DHX29: variants seen among roughly 807,000 people sequenced by gnomAD.
DHX29 encodes the protein DExH-box helicase 29.
Under a neutral mutation model 167.9 loss-of-function variants are expected in DHX29, and 79 were observed. The observed-to-expected ratio is 0.47, with a 90% CI of 0.39 to 0.57. DHX29 has a LOEUF of 0.57. Among genes scored for constraint, DHX29 ranks in the 20% least tolerant of loss-of-function variants. DHX29 has a pLI of 0.00. For synonymous variants in DHX29, 530 were observed against 546.0 expected, an observed-to-expected ratio of 0.97 and a Z score of 0.41; for missense variants, 1,347 against 1,593.4, an observed-to-expected ratio of 0.85 and a Z score of 2.63.
intron 20 of DHX29, among the ~76,000 whole-genome samples, chr5:55,269,950 A>G (rs1354892560): frequency 6.6e-6 from 1 of 152,146 alleles, no homozygotes; most frequent in Admixed American, 6.5e-5. Context: ...TAGATCTTTC[A>G]GTCTAAGAAG....
At chr5:55,263,377 G>T (rs774097460) in intron 23 of DHX29, among the ~76,000 whole-genome samples, 1 of 152,066 alleles carries the variant, frequency 6.6e-6, no homozygotes, top group Non-Finnish European at 1.5e-5. Flanking sequence ...AACTTTGAAA[G>T]AATTTATTAA....
intron 8 of DHX29, among the ~76,000 whole-genome samples, chr5:55,286,456 T>C (rs1032268960): frequency 1.3e-5 from 2 of 152,144 alleles, no homozygotes; most frequent in African/African-American, 4.8e-5. Context: ...AATTGCAACA[T>C]TTGGAAGGCT....
At chr5:55,260,506 C>T (rs538382487) in intron 25 of DHX29, among the ~76,000 whole-genome samples, 1 of 25,012 alleles carries the variant, frequency 4.0e-5, no homozygotes, top group South Asian at 1.5e-3. Flanking sequence ...GCTGGGATTA[C>T]AGGCATGAGC....
intron 1 of DHX29, among the ~76,000 whole-genome samples, chr5:55,300,536 G>A (rs1748546210): frequency 6.6e-6 from 1 of 151,822 alleles, no homozygotes; most frequent in African/African-American, 2.4e-5. Context: ...AGCTGGGCCT[G>A]GTGATGCATG....
intron 10 of DHX29, among the ~76,000 whole-genome samples, chr5:55,284,120 C>A (rs1747590092): frequency 6.6e-6 from 1 of 152,186 alleles, no homozygotes; most frequent in African/African-American, 2.4e-5. Flanking sequence ...GGGCAATTCA[C>A]TTAATCTCTA....
At chr5:55,281,637 AATTT>A (rs1482047061) in intron 11 of DHX29, 122 bp from the exon 12 acceptor site, 7 of 512,672 alleles carry the variant, frequency 1.4e-5, no homozygotes, top group South Asian at 6.2e-5. Context: ...AATCTAGTAC[AATTT>A]ATTATATTAG....
chr5:55,282,312 A>G (rs1292150468), intron 11 of DHX29, among the ~76,000 whole-genome samples: 1 of 152,168 alleles, frequency 6.6e-6, no homozygotes, highest in Non-Finnish European at 1.5e-5. Context: ...AAAAGCAGCT[A>G]GTATCATACT....
chr5:55,263,746 G>A (rs1031303442), intron 23 of DHX29, among the ~76,000 whole-genome samples: 15 of 129,476 alleles, frequency 1.2e-4, no homozygotes, highest in African/African-American at 3.7e-4. Context: ...GCCCCCTCTG[G>A]GCCAGCTGAC....
At chr5:55,296,552 A>G (rs879468632) in intron 3 of DHX29, among the ~76,000 whole-genome samples, 1 of 152,184 alleles carries the variant, frequency 6.6e-6, no homozygotes, top group Non-Finnish European at 1.5e-5. Flanking sequence ...ACCAGGAGAA[A>G]TTATCCATAT....
rs1747653899 is a variant in DHX29 at position 55,285,191 on chromosome 5, GAGAAAGGATTAATCAGA to G, written c.1356+85_1356+101del. The G allele has an allele frequency of 1.3e-6, 2 of 1,489,348 alleles. 1 individual carries two copies. 92.3% of individuals were successfully genotyped at this position (1,489,348 alleles called of 1,614,324 possible). On this transcript the variant is annotated intron_variant, in intron 10 of 26. Coordinates refer to ENST00000251636, the MANE Select transcript of DHX29 (RefSeq NM_019030.4). The stretch of plus-strand genomic sequence containing the variant: ...GAAAGGAAGCCAAATTAGGAATAAT[GAGAAAGGATTAATCAGA>G]AGAAACAGTCAATAAAGAGAAAATT...
chr5:55,276,043 G>A (rs1490097972), intron 14 of DHX29, among the ~76,000 whole-genome samples: 4 of 152,078 alleles, frequency 2.6e-5, no homozygotes, highest in Non-Finnish European at 5.9e-5. Flanking sequence ...AGATGGCCCA[G>A]AATAGTCTAA....
At chr5:55,305,089 T>G (rs1305312929) in intron 1 of DHX29, among the ~76,000 whole-genome samples, 1 of 152,118 alleles carries the variant, frequency 6.6e-6, no homozygotes, top group East Asian at 1.9e-4. Context: ...AGCACTAGAG[T>G]AGATACTGGG....
chr5:55,306,916 A>G (rs1748895557), intron 1 of DHX29, among the ~76,000 whole-genome samples: 1 of 152,194 alleles, frequency 6.6e-6, no homozygotes, highest in Non-Finnish European at 1.5e-5. Context: ...ACCAGTGTGT[A>G]AGTCCTGTAA....
intron 1 of DHX29, among the ~76,000 whole-genome samples, chr5:55,306,986 G>A (rs1748900752): frequency 6.6e-6 from 1 of 152,160 alleles, no homozygotes. Context: ...TGCTGAAAAT[G>A]ATATGAAAAA....
At position 55,290,509 on chromosome 5, in the gene DHX29, G is replaced by A. The variant is rs1341308495; in HGVS notation, c.781-165C>T. On this transcript the variant is annotated intron_variant, in intron 6 of 26. Transcript: ENST00000251636. ...CATAGAGAAATAAAACAAATGCACA[G>A]ATTTGCAGGTGCATAGATGTTTGGT... 2.0e-5 allele frequency among the ~76,000 whole-genome samples: 3 copies of A among 152,308 alleles called. No individual in the cohort carries two copies. In the East Asian group the frequency reaches 5.8e-4, roughly 29 times the overall value.
intron 11 of DHX29, among the ~76,000 whole-genome samples, 163 bp from the exon 12 acceptor site, chr5:55,281,678 A>G (rs922404871): frequency 6.6e-6 from 1 of 152,190 alleles, no homozygotes; most frequent in African/African-American, 2.4e-5. Context: ...AACAAATATT[A>G]GCAAATCTAT....
In DHX29 at chr5:55,307,368, G is replaced by T; in HGVS notation, c.187+19C>A. 1 of 1,607,276 alleles carries T rather than the reference G, an allele frequency of 6.2e-7. No individual in the cohort carries two copies. Among genetic ancestry groups the T allele is most frequent in the Non-Finnish European group, 8.5e-7 (1 of 1,175,640 alleles). On this transcript the variant is annotated intron_variant, in intron 1 of 26. Transcript: ENST00000251636. Reference sequence around the variant, plus strand: ...AAGGTCTCAGGGCAGACAGCCAGGGGCTGGGGGACCTCTCGTACCTTGCTT... The same window carrying T: ...AAGGTCTCAGGGCAGACAGCCAGGGTCTGGGGGACCTCTCGTACCTTGCTT...
At chr5:55,279,476 A>G (rs1747286116) in intron 12 of DHX29, 1 of 152,166 alleles carries the variant, frequency 6.6e-6, no homozygotes, top group Non-Finnish European at 1.5e-5. Context: ...GGAAAATTTC[A>G]TAAAATAGAT....
rs1748184994 is a variant in DHX29, at chr5:55,294,107, T to TGA, written c.689_690insTC (p.Lys230AsnfsTer24). On this transcript the variant is annotated frameshift_variant, in exon 6 of 27. Transcript: ENST00000251636. LOFTEE classifies it high-confidence loss of function. ...GTTCAGCATATCGTAAAATCCACTCTTTCATATTTACTTCCATATTTTTTT... is the reference window on the plus strand; with the variant it reads ...GTTCAGCATATCGTAAAATCCACTCTGATTCATATTTACTTCCATATTTTTTT... 1 of 1,602,874 alleles carries TGA rather than the reference T, an allele frequency of 6.2e-7. No homozygotes were observed. The highest frequency in any genetic ancestry group is 1.3e-5 in the African/African-American group (1 of 74,496).
Sources: allele counts gnomAD v4.1 joint callset (sites outside exome capture counted in the v4.1 genomes callset), GRCh38; gene constraint gnomAD v4.1.1; transcripts MANE v1.5; gene names NCBI Gene and HGNC (gene_info 2026-07-23, HGNC 2026-07-21).